Variants in IL1RAPL2 observed in about 807,000 individuals in gnomAD.
The protein encoded by IL1RAPL2 is X-linked interleukin-1 receptor accessory protein-like 2.
Under a neutral mutation model 44.1 loss-of-function variants are expected in IL1RAPL2, and 3 were observed. The ratio of observed to expected loss-of-function variants is 0.07; its 90% CI spans 0.03 to 0.18. IL1RAPL2 has a LOEUF of 0.18. Ranked by LOEUF, IL1RAPL2 falls within the 10% of genes least tolerant of loss-of-function variation. The pLI is 1.00. For missense variants in IL1RAPL2, 391 were observed against 496.4 expected, an observed-to-expected ratio of 0.79 and a Z score of 2.02; for synonymous variants, 181 against 178.8, an observed-to-expected ratio of 1.01 and a Z score of -0.10.
At chrX:104,798,416 T>A (rs971313916) in intron 2 of IL1RAPL2, among the ~76,000 whole-genome samples, 12 of 109,735 alleles carry the variant, frequency 1.1e-4, no homozygotes, top group Admixed American at 2.9e-4. Flanking sequence ...CCCAGCACTT[T>A]GGGAGGCCGA....
intron 8 of IL1RAPL2, among the ~76,000 whole-genome samples, chrX:105,746,183 T>C (rs984314995): frequency 1.8e-5 from 2 of 111,901 alleles, no homozygotes; most frequent in Non-Finnish European, 3.8e-5. Flanking sequence ...TCCCATTCTA[T>C]AATGTCTGAT....
intron 1 of IL1RAPL2, among the ~76,000 whole-genome samples, chrX:104,651,277 A>G (rs965869264): frequency 1.8e-5 from 2 of 112,156 alleles, no homozygotes; most frequent in African/African-American, 3.2e-5. Context: ...TCACAGTCAA[A>G]CATTAACTAT....
rs1411497379 is a variant in IL1RAPL2 at position 105,355,310 on chromosome X, G to A, written c.697+87769G>A. 2.7e-5 allele frequency among the ~76,000 whole-genome samples: 3 copies of A among 111,163 alleles called. 1 individual carries two copies. The highest frequency in any genetic ancestry group is 9.8e-5 in the African/African-American group (3 of 30,594). On this transcript the variant is annotated intron_variant, in intron 5 of 10. Transcript: ENST00000372582. ...TTTGCTTTAGCTGTACTGGATTTCA[G>A]TTCCTTGAATGCATCTGTCTCACTA...
chrX:104,631,556 T>C (rs1311774892), intron 1 of IL1RAPL2, among the ~76,000 whole-genome samples: 2 of 111,807 alleles, frequency 1.8e-5, no homozygotes, highest in Admixed American at 1.9e-4. Flanking sequence ...TGGTATCTCA[T>C]TGTGGTTTTG....
intron 2 of IL1RAPL2, among the ~76,000 whole-genome samples, chrX:104,698,734 C>T (rs1439902027): frequency 9.0e-6 from 1 of 111,423 alleles, no homozygotes; most frequent in Non-Finnish European, 1.9e-5. Flanking sequence ...TCTGAGACAC[C>T]TGTTTTTAAT....
intron 2 of IL1RAPL2, among the ~76,000 whole-genome samples, chrX:105,013,732 C>T (rs1390729364): frequency 4.5e-5 from 5 of 111,150 alleles, no homozygotes; most frequent in Non-Finnish European, 9.5e-5. Flanking sequence ...TACTGAAAAT[C>T]CTCCTTATTA....
At chrX:104,611,885 G>A (rs751313164) in intron 1 of IL1RAPL2, among the ~76,000 whole-genome samples, 22 of 105,525 alleles carry the variant, frequency 2.1e-4, no homozygotes, top group African/African-American at 6.9e-4. Flanking sequence ...ATGGATCTTA[G>A]CTTGCTGGGG....
intron 2 of IL1RAPL2, among the ~76,000 whole-genome samples, chrX:104,881,412 ATTAT>A (rs1212408576): frequency 8.9e-6 from 1 of 111,838 alleles, no homozygotes; most frequent in Non-Finnish European, 1.9e-5. Context: ...ATGCTTTCTA[ATTAT>A]TTATCTGCTT....
At chrX:105,159,529 C>G (rs747133801) in intron 2 of IL1RAPL2, among the ~76,000 whole-genome samples, 1 of 112,462 alleles carries the variant, frequency 8.9e-6, no homozygotes, top group African/African-American at 3.2e-5. Flanking sequence ...ATGGGACACT[C>G]TTTTTGTATA....
intron 5 of IL1RAPL2, among the ~76,000 whole-genome samples, chrX:105,295,882 A>G (rs762708531): frequency 9.0e-5 from 10 of 111,349 alleles, no homozygotes; most frequent in Non-Finnish European, 1.7e-4. Flanking sequence ...CACCTAGTTC[A>G]GGATGTCTTT....
chrX:105,383,265 T>G (rs760462826), intron 5 of IL1RAPL2, among the ~76,000 whole-genome samples: 39 of 111,046 alleles, frequency 3.5e-4, no homozygotes, highest in African/African-American at 1.2e-3. Flanking sequence ...CCCCTCCCAC[T>G]ACCCTTCTGA....
chrX:104,630,465 T>TC (rs1473639608), intron 1 of IL1RAPL2, among the ~76,000 whole-genome samples: 1 of 108,828 alleles, frequency 9.2e-6, no homozygotes, highest in Non-Finnish European at 1.9e-5. Context: ...TTTTTGTATT[T>TC]TTTTTTTTTT....
At chrX:105,274,636 C>T (rs1437395294) in intron 5 of IL1RAPL2, among the ~76,000 whole-genome samples, 1 of 112,093 alleles carries the variant, frequency 8.9e-6, no homozygotes, top group Non-Finnish European at 1.9e-5. Context: ...CCTTTGGAAC[C>T]TGTGAAAAGA....
intron 2 of IL1RAPL2, among the ~76,000 whole-genome samples, chrX:104,846,208 T>A (rs962187221): frequency 1.3e-4 from 14 of 111,332 alleles, no homozygotes; most frequent in East Asian, 5.7e-4. Flanking sequence ...AGTTTTTTTT[T>A]AATTATCCTT....
intron 2 of IL1RAPL2, among the ~76,000 whole-genome samples, chrX:105,089,392 C>T (rs2032515092): frequency 9.0e-6 from 1 of 111,205 alleles, no homozygotes; most frequent in African/African-American, 3.3e-5. Flanking sequence ...ATTGTGAGGT[C>T]AGTGAAGTGA....
At chrX:105,755,623 A>T (rs1199528478) in intron 10 of IL1RAPL2, among the ~76,000 whole-genome samples, 2 of 111,941 alleles carry the variant, frequency 1.8e-5, no homozygotes, top group Non-Finnish European at 3.8e-5. Context: ...ATGATCTTTT[A>T]AAAAAATCTG....
At chrX:104,617,433 T>A (rs1264881056) in intron 1 of IL1RAPL2, among the ~76,000 whole-genome samples, 1 of 112,423 alleles carries the variant, frequency 8.9e-6, no homozygotes, top group Non-Finnish European at 1.9e-5. Flanking sequence ...AGGGAAATTT[T>A]CTTGAATTAT....
chrX:104,603,618 A>G (rs1297258390), intron 1 of IL1RAPL2, among the ~76,000 whole-genome samples: 2 of 111,894 alleles, frequency 1.8e-5, no homozygotes, highest in Non-Finnish European at 3.8e-5. Context: ...AAATGACCTG[A>G]TGGAGCTGAA....
chrX:105,067,060 G>C (rs2032146396), intron 2 of IL1RAPL2, among the ~76,000 whole-genome samples: 1 of 111,903 alleles, frequency 8.9e-6, no homozygotes, highest in Non-Finnish European at 1.9e-5. Context: ...ACTGCACTTT[G>C]TTTTAATTTA....
Sources: gnomAD v4.1 joint callset for allele counts (sites outside exome capture counted in the v4.1 genomes callset) on GRCh38, gnomAD v4.1.1 for gene constraint, MANE v1.5 for transcripts, NCBI Gene and HGNC (gene_info 2026-07-23, HGNC 2026-07-21) for gene names.